Variants in IMPG2 observed in about 807,000 individuals in gnomAD.
IMPG2 encodes the protein IPM 200.
Under a neutral mutation model 129.2 loss-of-function variants are expected in IMPG2, and 91 were observed. The observed-to-expected ratio is 0.70, with a 90% CI of 0.59 to 0.84. The LOEUF (loss-of-function observed/expected upper bound fraction) is 0.84. IMPG2 is among the 40% of genes least tolerant of loss of function. The probability of loss-of-function intolerance (pLI) is 0.00; values close to 1 mark genes in which losing one functional copy is unlikely to be tolerated. For synonymous variants in IMPG2, 510 were observed against 517.7 expected, an observed-to-expected ratio of 0.99 and a Z score of 0.20; for missense variants, 1,430 against 1,461.7, an observed-to-expected ratio of 0.98 and a Z score of 0.35.
Position 101,291,460 on chromosome 3 carries a change from G to C in IMPG2, c.533+19C>G, listed in dbSNP as rs374420758. 1.8e-5 allele frequency: 29 copies of C among 1,607,460 alleles called. No individual in the cohort carries two copies. The African/African-American group carries it at 3.6e-4, about 20-fold the overall frequency. ...ATCTGTGTTGCCAAACATGAATTTT[G>C]GGAAAAAGAGACACTCACCTGCTTA... On this transcript the variant is annotated intron_variant, in intron 4 of 18. Transcript: ENST00000193391.
At chr3:101,269,612 A>G in intron 7 of IMPG2, 39 bp from the exon 8 acceptor site, 2 of 1,095,856 alleles carry the variant, frequency 1.8e-6, no homozygotes, top group Non-Finnish European at 2.8e-6. Context: ...CTATGTAAAA[A>G]TATGGAAAAA....
intron 3 of IMPG2, among the ~76,000 whole-genome samples, chr3:101,297,440 T>C (rs112508947): frequency 3.3e-5 from 5 of 152,296 alleles, no homozygotes; most frequent in African/African-American, 4.8e-5. Flanking sequence ...TGTGTTCTGC[T>C]AGCTTTTGAT....
At chr3:101,261,999 C>T (rs1559648024) in intron 9 of IMPG2, among the ~76,000 whole-genome samples, 1 of 152,042 alleles carries the variant, frequency 6.6e-6, no homozygotes, top group Non-Finnish European at 1.5e-5. Context: ...ACAGCTATTT[C>T]CAAAGACATT....
chr3:101,314,469 A>T (rs1462903604), intron 2 of IMPG2, among the ~76,000 whole-genome samples: 1 of 152,086 alleles, frequency 6.6e-6, no homozygotes, highest in Admixed American at 6.6e-5. Flanking sequence ...TTTTAAACAA[A>T]TGAAACTATA....
In IMPG2 at chr3:101,226,966, TG is replaced by T. The variant is rs1706231186; in HGVS notation, c.*2del. 1 of 1,613,670 alleles carries T rather than the reference TG, an allele frequency of 6.2e-7. No homozygotes were observed. Among genetic ancestry groups the T allele is most frequent in the Admixed American group, 1.7e-5 (1 of 59,994 alleles). Reference sequence around the variant, plus strand: ...CTAATCAGTTTCAGAACAGGAGTTTTGGTTAAACCTCTTCCCTGCCATGAAA... The same window carrying T: ...CTAATCAGTTTCAGAACAGGAGTTTTGTTAAACCTCTTCCCTGCCATGAAA... On this transcript the variant is annotated 3_prime_UTR_variant, in exon 19 of 19. Transcript: ENST00000193391.
At chr3:101,245,756 T>A in intron 12 of IMPG2, 46 bp downstream of exon 12, 1 of 1,548,174 alleles carries the variant, frequency 6.5e-7, no homozygotes, top group Non-Finnish European at 8.9e-7. Context: ...AAAACCCCTG[T>A]CATCGGATAC....
rs1202353844 is a variant in IMPG2 at position 101,226,857 on chromosome 3, A to G, written c.*112T>C. On this transcript the variant is annotated 3_prime_UTR_variant, in exon 19 of 19. Transcript: ENST00000193391. ...TGTGCCCTATATTTAATTTTTTCAT[A>G]GAAAACTCTTCTTCCAACAGTGTTT... 4.3e-6 allele frequency: 5 copies of G among 1,169,868 alleles called. No homozygotes were observed. The highest frequency in any genetic ancestry group is 6.3e-6 in the Non-Finnish European group (5 of 797,964). 72.5% of individuals were successfully genotyped at this position (1,169,868 alleles called of 1,614,324 possible).
intron 18 of IMPG2, 96 bp from the exon 19 acceptor site, chr3:101,227,077 A>C: frequency 3.1e-6 from 4 of 1,274,582 alleles, no homozygotes; most frequent in Non-Finnish European, 4.5e-6. Flanking sequence ...TACTCCTAAA[A>C]TCATGAATAC....
chr3:101,233,441 G>A (rs2107208607), intron 14 of IMPG2, among the ~76,000 whole-genome samples: 1 of 152,292 alleles, frequency 6.6e-6, no homozygotes, highest in Non-Finnish European at 1.5e-5. Context: ...GAACATGAAT[G>A]GGGAGAGAGA....
chr3:101,225,770 GCCT>G lies in IMPG2; in HGVS notation c.*1196_*1198del, dbSNP rs1428728862. 1 of 151,868 alleles carries G rather than the reference GCCT, an allele frequency of 6.6e-6. No homozygotes were observed. Among genetic ancestry groups the G allele is most frequent in the Non-Finnish European group, 1.5e-5 (1 of 67,996 alleles). The allele number at this position is 151,868 out of a possible 1,614,324, so 9.4% of individuals were successfully genotyped here. A position where few individuals can be genotyped will look rare whatever the true frequency, so the allele number is the denominator to read the frequency against. ...TTAATATCATGATGATGATGATTTG[GCCT>G]CCTCCTCTCCCCCTCCAAAGCAACC... On this transcript the variant is annotated 3_prime_UTR_variant, in exon 19 of 19. Transcript: ENST00000193391.
intron 14 of IMPG2, among the ~76,000 whole-genome samples, chr3:101,233,777 T>C (rs1268508471): frequency 6.6e-6 from 1 of 152,074 alleles, no homozygotes; most frequent in Non-Finnish European, 1.5e-5. Context: ...AGTGGGCAAA[T>C]GGTGACACAG....
intron 3 of IMPG2, 106 bp from the exon 4 acceptor site, chr3:101,291,616 A>G: frequency 1.3e-6 from 1 of 787,504 alleles, no homozygotes; most frequent in East Asian, 2.6e-5. Context: ...GGTAGAATCT[A>G]TGTTAGTACT....
intron 11 of IMPG2, among the ~76,000 whole-genome samples, chr3:101,253,125 A>C (rs1410411961): frequency 2.6e-5 from 4 of 152,122 alleles, no homozygotes; most frequent in African/African-American, 7.2e-5. Flanking sequence ...GGTGGTAAGA[A>C]CAAAAAGGAA....
In IMPG2 at chr3:101,244,206, C is replaced by A. The variant is rs1430145253; in HGVS notation, c.2125G>T (p.Val709Leu). 3 of 1,614,010 alleles carry A rather than the reference C, an allele frequency of 1.9e-6. No homozygotes were observed. The highest frequency in any genetic ancestry group is 1.7e-5 in the Admixed American group (1 of 60,000). Reference protein sequence around the residue: ...SLTLPKHISEVPGVDDYSVTK... With the variant: ...SLTLPKHISELPGVDDYSVTK... ...ACTGAGTAATCATCAACACCAGGTA[C>A]TTCTGATATGTGCTTGGGGAGGGTT... The change falls in exon 13 of 19, where the codon GTA (valine) becomes TTA (leucine). Residue 709 changes from valine (V) to leucine (L), a missense_variant. By Grantham distance (32) the Val-to-Leu change is conservative. Transcript: ENST00000193391.
chr3:101,228,419 A>G lies in IMPG2; in HGVS notation c.3713+378T>C, dbSNP rs140206843. On this transcript the variant is annotated intron_variant, in intron 18 of 18. Transcript: ENST00000193391. Reference sequence around the variant, plus strand: ...ATGGCATCAGATCAATCAGATCACTAGTGAGATCTATGACAACAAGAGAGA... The same window carrying G: ...ATGGCATCAGATCAATCAGATCACTGGTGAGATCTATGACAACAAGAGAGA... 5.8e-4 allele frequency among the ~76,000 whole-genome samples: 89 copies of G among 152,224 alleles called. 1 individual carries two copies. The highest frequency in any genetic ancestry group is 8.8e-5 in the Non-Finnish European group (6 of 68,036).
chr3:101,223,600 T>C lies in IMPG2; in HGVS notation c.*3369A>G, dbSNP rs1194512368. 4 of 152,218 alleles carry C rather than the reference T, an allele frequency of 2.6e-5. No individual in the cohort carries two copies. The highest frequency in any genetic ancestry group is 2.6e-4 in the Admixed American group (4 of 15,270). The allele number at this position is 152,218 out of a possible 1,614,324, so 9.4% of individuals were successfully genotyped here. A position where few individuals can be genotyped will look rare whatever the true frequency, so the allele number is the denominator to read the frequency against. On this transcript the variant is annotated 3_prime_UTR_variant, in exon 19 of 19. Coordinates refer to ENST00000193391, the MANE Select transcript of IMPG2 (RefSeq NM_016247.4). ...CATACAAATGAATAATTAGTTCAGG[T>C]ATCATACTTCAGCCAACCTACTTTT...
At chr3:101,257,120 C>A (rs1447761759) in intron 10 of IMPG2, among the ~76,000 whole-genome samples, 1 of 151,970 alleles carries the variant, frequency 6.6e-6, no homozygotes, top group Non-Finnish European at 1.5e-5. Flanking sequence ...CTCCCATGAC[C>A]TTTCTTGAGC....
chr3:101,319,910 C>A, intron 1 of IMPG2, 78 bp from the exon 2 acceptor site: 2 of 1,464,984 alleles, frequency 1.4e-6, no homozygotes, highest in South Asian at 2.3e-5. Context: ...AAAACTGACA[C>A]TTGGGCTACA....
chr3:101,232,792 C>T lies in IMPG2; in HGVS notation c.3222G>A (p.Gly1074=). ...TAACTACAACATACCTACAAATGGC[C>T]CCGTGCCCAGGCATAATGTCACACT... ...DGKCDIMPGH[G]AICRCRVGEN... is the part of the protein sequence containing the mutation. The change falls in exon 15 of 19, where the codon GGG becomes GGA. Residue 1074 remains glycine, a synonymous_variant. Coordinates refer to ENST00000193391, the MANE Select transcript of IMPG2 (RefSeq NM_016247.4). 1 of 1,613,444 alleles carries T rather than the reference C, an allele frequency of 6.2e-7. No homozygotes were observed. Among genetic ancestry groups the T allele is most frequent in the Non-Finnish European group, 8.5e-7 (1 of 1,179,892 alleles).
Sources: gnomAD v4.1 joint callset for allele counts (sites outside exome capture counted in the v4.1 genomes callset) on GRCh38, gnomAD v4.1.1 for gene constraint, MANE v1.5 for transcripts, NCBI Gene and HGNC (gene_info 2026-07-23, HGNC 2026-07-21) for gene names.